Variants in ZNF500 observed in about 807,000 individuals in gnomAD.
ZNF500 encodes zinc finger protein with KRAB and SCAN domains 18.
Under a neutral mutation model 30.1 loss-of-function variants are expected in ZNF500, and 31 were observed. The observed-to-expected ratio is 1.03, with a 90% CI of 0.77 to 1.39. ZNF500 has a LOEUF of 1.39. ZNF500 is among the 40% of genes most tolerant of loss of function. ZNF500 has a pLI of 0.00. For missense variants in ZNF500, 817 were observed against 657.8 expected, an observed-to-expected ratio of 1.24 and a Z score of -2.65; for synonymous variants, 392 against 282.0, an observed-to-expected ratio of 1.39 and a Z score of -3.91.
Position 4,751,992 on chromosome 16 carries a change from C to T in ZNF500, c.*384G>A, listed in dbSNP as rs1355348174. ...CAGACACACAGGAGAGGGGTTGGGACGTGGGGATGAGGCTGTATGCCAGCA... is the reference window on the plus strand; with the variant it reads ...CAGACACACAGGAGAGGGGTTGGGATGTGGGGATGAGGCTGTATGCCAGCA... On this transcript the variant is annotated 3_prime_UTR_variant, in exon 6 of 6. Transcript: ENST00000219478. 53 of 987,056 alleles carry T rather than the reference C, an allele frequency of 5.4e-5. No individual in the cohort carries two copies. Among genetic ancestry groups the T allele is most frequent in the African/African-American group, 1.2e-4 (7 of 59,394 alleles). The allele number at this position is 987,056 out of a possible 1,614,324, so 61.1% of individuals were successfully genotyped here.
intron 5 of ZNF500, among the ~76,000 whole-genome samples, chr16:4,760,126 G>C (rs559703070): frequency 2.2e-4 from 33 of 152,224 alleles, no homozygotes; most frequent in Non-Finnish European, 4.1e-4. Flanking sequence ...AAAGAGCTTA[G>C]GGGACGGTGC....
intron 2 of ZNF500, among the ~76,000 whole-genome samples, chr16:4,764,960 A>G (rs1472050014): frequency 6.6e-6 from 1 of 151,956 alleles, no homozygotes; most frequent in African/African-American, 2.4e-5. Context: ...CTTTGGGGGT[A>G]GTTTCAACTC....
intron 5 of ZNF500, chr16:4,758,200 A>AT (rs76669087): frequency 1.4e-3 from 207 of 146,980 alleles, no homozygotes; most frequent in Non-Finnish European, 2.4e-3. Flanking sequence ...GTGCCTGGCC[A>AT]TTTTTTTTTT....
chr16:4,753,035 C>T lies in ZNF500; in HGVS notation c.784G>A (p.Gly262Ser), dbSNP rs142409847. ...GGGGCATCCTCCCTGCCATCACCGC[C>T]GTCCTCCAACTGGATCCCAGGTCCT... ...NEGPGIQLED[G>S]GDGREDAPLR... Residue 262 changes from glycine (G) to serine (S), a missense_variant, in exon 6 of 6, where the codon GGC (glycine) becomes AGC (serine). Coordinates refer to ENST00000219478, the MANE Select transcript of ZNF500 (RefSeq NM_021646.4). The T allele has an allele frequency of 2.0e-5, 30 of 1,527,970 alleles. No homozygotes were observed. The highest frequency in any genetic ancestry group is 9.6e-5 in the African/African-American group (7 of 72,796). The allele number at this position is 1,527,970 out of a possible 1,614,324, so 94.7% of individuals were successfully genotyped here.
In ZNF500 at chr16:4,765,847, G is replaced by A; in HGVS notation, c.132C>T (p.Pro44=). 6.2e-7 allele frequency: 1 copy of A among 1,613,738 alleles called. No homozygotes were observed. Among genetic ancestry groups the A allele is most frequent in the Non-Finnish European group, 8.5e-7 (1 of 1,180,018 alleles). The change falls in exon 2 of 6, where the codon CCC becomes CCT. Residue 44 remains proline, a synonymous_variant. Transcript: ENST00000219478. ...AGAGCTGGCGGAAAGTCTCAGGGCT[G>A]GGGTCCTCCGTCTCCACGGAGGGCT... is the stretch of plus-strand genomic sequence containing the variant. ...EEEPSVETED[P]SPETFRQLFR...
chr16:4,746,831 T>C (rs541112422), downstream of ZNF500: 527 of 1,174,336 alleles, frequency 4.5e-4, 2 homozygotes, highest in African/African-American at 7.3e-3. Context: ...CCTCTTGCAT[T>C]GGGTCACCAG....
intron 5 of ZNF500, among the ~76,000 whole-genome samples, chr16:4,755,893 C>T (rs2082130066): frequency 6.6e-6 from 1 of 152,198 alleles, no homozygotes; most frequent in Admixed American, 6.5e-5. Context: ...AGCACTGACA[C>T]ATGCTATACC....
In ZNF500 at chr16:4,767,074, G is replaced by A. The variant is rs1315796271; in HGVS notation, c.-156C>T. ...CAGGACCGGAGCGGCGGGTCTCGGCGGGAGTAGGACTGCGGGCCTCAGGCT... is the reference window on the plus strand; with the variant it reads ...CAGGACCGGAGCGGCGGGTCTCGGCAGGAGTAGGACTGCGGGCCTCAGGCT... On this transcript the variant is annotated 5_prime_UTR_variant, in exon 1 of 6. Coordinates refer to ENST00000219478, the MANE Select transcript of ZNF500 (RefSeq NM_021646.4). 1 of 152,396 alleles carries A rather than the reference G, an allele frequency of 6.6e-6. No individual in the cohort carries two copies. The highest frequency in any genetic ancestry group is 1.5e-5 in the Non-Finnish European group (1 of 68,168). 9.4% of individuals were successfully genotyped at this position (152,396 alleles called of 1,614,324 possible). A position where few individuals can be genotyped will look rare whatever the true frequency, so the allele number is the denominator to read the frequency against.
chr16:4,753,671 G>T (rs1422990200), intron 5 of ZNF500, among the ~76,000 whole-genome samples: 1 of 152,214 alleles, frequency 6.6e-6, no homozygotes, highest in Admixed American at 6.5e-5. Flanking sequence ...TAAGCCAGGG[G>T]TTCCCACCCA....
At chr16:4,760,403 T>A in intron 5 of ZNF500, 89 bp downstream of exon 5, 2 of 1,290,756 alleles carry the variant, frequency 1.5e-6, no homozygotes, top group Non-Finnish European at 1.1e-6. Context: ...CCAGGCCAAC[T>A]GGACCAACAG....
At chr16:4,745,183 C>G (rs2081998879), downstream of ZNF500, among the ~76,000 whole-genome samples, 1 of 152,188 alleles carries the variant, frequency 6.6e-6, no homozygotes, top group Middle Eastern at 3.2e-3. Flanking sequence ...GATGGGGAAA[C>G]CAAGGCTCAG....
Position 4,762,747 on chromosome 16 carries a change from G to A in ZNF500, c.424C>T (p.Leu142=). The A allele has an allele frequency of 6.2e-7, 1 of 1,606,450 alleles. No homozygotes were observed. Among genetic ancestry groups the A allele is most frequent in the Non-Finnish European group, 8.5e-7 (1 of 1,176,198 alleles). ...PRKHRQRGSE[L]LSDDEVPLGI... The stretch of plus-strand genomic sequence containing the variant: ...AGGGGCACCTCGTCATCAGAAAGCA[G>A]CTCTGAGCCCTGCACACAGACAGTG... The change falls in exon 3 of 6, where the codon CTG becomes TTG. Residue 142 remains leucine, a synonymous_variant. Coordinates refer to ENST00000219478, the MANE Select transcript of ZNF500 (RefSeq NM_021646.4).
chr16:4,760,637 T>C, intron 4 of ZNF500, 49 bp from the exon 5 acceptor site: 1 of 1,557,320 alleles, frequency 6.4e-7, no homozygotes, highest in Non-Finnish European at 8.8e-7. Context: ...AGCTGCCTCC[T>C]CCCCAACTAA....
At position 4,762,292 on chromosome 16, in the gene ZNF500, G is replaced by T; in HGVS notation, c.642C>A (p.Pro214=). 1 of 1,611,570 alleles carries T rather than the reference G, an allele frequency of 6.2e-7. No homozygotes were observed. The highest frequency in any genetic ancestry group is 8.5e-7 in the Non-Finnish European group (1 of 1,178,978). ...PRHQEMASAS[P]FLSAWSQVPV... is the part of the protein sequence containing the mutation. Reference sequence around the variant, plus strand: ...TCACCTGGGACCAGGCCGAAAGGAAGGGCGAGGCTGACGCCATCTCCTGAT... The same window carrying T: ...TCACCTGGGACCAGGCCGAAAGGAATGGCGAGGCTGACGCCATCTCCTGAT... Residue 214 remains proline, a synonymous_variant, in exon 4 of 6, where the codon CCC becomes CCA. Coordinates refer to ENST00000219478, the MANE Select transcript of ZNF500 (RefSeq NM_021646.4).
chr16:4,763,293 G>C (rs1328854013), intron 2 of ZNF500: 2 of 280,984 alleles, frequency 7.1e-6, no homozygotes, highest in Non-Finnish European at 1.1e-5. Context: ...CAGGTACTTG[G>C]GAGGCTGAGG....
At chr16:4,747,385 C>T (rs765122035), downstream of ZNF500, 2 of 1,608,840 alleles carry the variant, frequency 1.2e-6, no homozygotes, top group East Asian at 2.2e-5. Context: ...AGCTCAGGGC[C>T]TTTCAGAAGG....
intron 5 of ZNF500, among the ~76,000 whole-genome samples, chr16:4,759,060 T>C (rs2082169312): frequency 6.7e-6 from 1 of 148,350 alleles, no homozygotes. Flanking sequence ...AATAGAAAAA[T>C]TAGCCGGGTA....
rs185797163 is a variant in ZNF500, at chr16:4,760,685, C to T, written c.664-97G>A. 4.6e-4 allele frequency: 495 copies of T among 1,085,726 alleles called. 4 individuals are homozygous for T. In the East Asian group the frequency reaches 0.01, roughly 23 times the overall value. The allele number at this position is 1,085,726 out of a possible 1,614,324, so 67.3% of individuals were successfully genotyped here. A position where few individuals can be genotyped will look rare whatever the true frequency, so the allele number is the denominator to read the frequency against. ...AGGGAGCTGCACCGCCACTGCCCCT[C>T]GAGGCTGGCGCCAAGCCTGGTGGTG... is the stretch of plus-strand genomic sequence containing the variant. On this transcript the variant is annotated intron_variant, in intron 4 of 5. Transcript: ENST00000219478.
chr16:4,756,834 T>G (rs572436459), intron 5 of ZNF500, among the ~76,000 whole-genome samples: 1 of 152,148 alleles, frequency 6.6e-6, no homozygotes, highest in South Asian at 2.1e-4. Context: ...TTTTCAAAAT[T>G]AGCTGGGCAT....
Sources: allele counts gnomAD v4.1 joint callset (sites outside exome capture counted in the v4.1 genomes callset), GRCh38; gene constraint gnomAD v4.1.1; transcripts MANE v1.5; gene names NCBI Gene and HGNC (gene_info 2026-07-23, HGNC 2026-07-21).